The following LINGO2 variants were observed in gnomAD, a reference collection of about 807,000 sequenced individuals.
LINGO2 encodes leucine rich repeat and Ig domain containing 2.
Under a neutral mutation model 30.6 loss-of-function variants are expected in LINGO2, and 14 were observed. That is an observed-to-expected ratio of 0.46 (90% CI 0.30 to 0.72). LINGO2 has a LOEUF of 0.72. LINGO2 is among the 30% of genes least tolerant of loss of function. The pLI is 0.07. For synonymous variants in LINGO2, 317 were observed against 288.5 expected (o/e 1.10, Z -1.00); for missense variants, 729 against 751.7 (o/e 0.97, Z 0.35).
chr9:29,144,093 AC>A, the LINGO2 span, among the ~76,000 whole-genome samples: 4 of 152,054 alleles, frequency 2.6e-5, no homozygotes, highest in Non-Finnish European at 5.9e-5. Context: ...GTGCAGTCTT[AC>A]TTCCGGGCTC....
chr9:28,544,634 G>A (rs902269498), intron 1 of LINGO2, among the ~76,000 whole-genome samples: 2 of 118,374 alleles, frequency 1.7e-5, no homozygotes, highest in Non-Finnish European at 4.0e-5. Flanking sequence ...AAAGTCAGAA[G>A]CTGTTACAAC....
chr9:28,190,904 A>C (rs1031831845), intron 4 of LINGO2, among the ~76,000 whole-genome samples: 7 of 152,238 alleles, frequency 4.6e-5, no homozygotes, highest in Non-Finnish European at 5.9e-5. Flanking sequence ...AACAACTAAT[A>C]TACCAGACAG....
the LINGO2 span, among the ~76,000 whole-genome samples, chr9:29,145,324 T>C: frequency 6.6e-6 from 1 of 152,184 alleles, no homozygotes. Flanking sequence ...GTTTGTTTTT[T>C]CTTCTGTCTA....
At chr9:28,316,865 C>G (rs942173896) in intron 3 of LINGO2, among the ~76,000 whole-genome samples, 1 of 152,072 alleles carries the variant, frequency 6.6e-6, no homozygotes, top group Non-Finnish European at 1.5e-5. Flanking sequence ...TTTTAAGCAC[C>G]CTTATCTGCT....
chr9:28,778,600 A>G, the LINGO2 span, among the ~76,000 whole-genome samples: 1 of 152,212 alleles, frequency 6.6e-6, no homozygotes, highest in African/African-American at 2.4e-5. Context: ...TACAAAGGCC[A>G]GAGTATGAGC....
the LINGO2 span, among the ~76,000 whole-genome samples, chr9:29,140,838 A>G: frequency 3.9e-5 from 6 of 152,174 alleles, no homozygotes; most frequent in South Asian, 1.2e-3. Context: ...AATTATCAGC[A>G]GAAACCATGG....
intron 4 of LINGO2, among the ~76,000 whole-genome samples, chr9:28,175,930 A>T (rs1828737921): frequency 6.6e-6 from 1 of 152,192 alleles, no homozygotes; most frequent in Non-Finnish European, 1.5e-5. Flanking sequence ...GAGGTCAAGG[A>T]GGCAACATGC....
At chr9:28,818,209 T>G in the LINGO2 span, among the ~76,000 whole-genome samples, 2 of 152,174 alleles carry the variant, frequency 1.3e-5, no homozygotes, top group Non-Finnish European at 2.9e-5. Flanking sequence ...GAGTCAGTGC[T>G]CAGAGTATTA....
chr9:28,245,639 TACA>T (rs1328771842), intron 4 of LINGO2, among the ~76,000 whole-genome samples: 3 of 152,172 alleles, frequency 2.0e-5, no homozygotes, highest in African/African-American at 4.8e-5. Flanking sequence ...AGAATTCCTA[TACA>T]ACAACAATAG....
the LINGO2 span, among the ~76,000 whole-genome samples, chr9:28,745,617 G>T: frequency 1.3e-5 from 2 of 151,842 alleles, no homozygotes; most frequent in African/African-American, 4.8e-5. Context: ...TATTTTAAAA[G>T]GTATGTTTAA....
At chr9:28,958,643 G>A in the LINGO2 span, among the ~76,000 whole-genome samples, 5 of 151,894 alleles carry the variant, frequency 3.3e-5, no homozygotes, top group Admixed American at 6.6e-5. Context: ...ATGCACCTAC[G>A]CTTTACTTTT....
the LINGO2 span, among the ~76,000 whole-genome samples, chr9:28,752,349 G>A: frequency 1.3e-4 from 20 of 151,996 alleles, no homozygotes; most frequent in African/African-American, 3.6e-4. Flanking sequence ...GAGAATAGCC[G>A]GAGAGATATA....
intron 4 of LINGO2, among the ~76,000 whole-genome samples, chr9:28,288,364 CA>C (rs1237746029): frequency 2.6e-5 from 4 of 152,110 alleles, no homozygotes; most frequent in African/African-American, 7.2e-5. Context: ...CATTAAAACC[CA>C]CTCCATTTGA....
chr9:29,138,431 C>T, the LINGO2 span, among the ~76,000 whole-genome samples: 1 of 152,124 alleles, frequency 6.6e-6, no homozygotes, highest in African/African-American at 2.4e-5. Context: ...GGTTCACACA[C>T]TCATCCCATG....
the LINGO2 span, among the ~76,000 whole-genome samples, chr9:28,923,704 A>T: frequency 6.6e-6 from 1 of 152,204 alleles, no homozygotes; most frequent in African/African-American, 2.4e-5. Flanking sequence ...ACTAACAATT[A>T]CTAATGAAGG....
At position 28,580,438 on chromosome 9, in the gene LINGO2, G is replaced by A. The variant is rs373974292; in HGVS notation, c.-365+89762C>T. 9.9e-5 allele frequency among the ~76,000 whole-genome samples: 15 copies of A among 151,972 alleles called. No homozygotes were observed. The East Asian group carries it at 1.7e-3, about 18-fold the overall frequency. On this transcript the variant is annotated intron_variant, in intron 1 of 5. Transcript: ENST00000379992. The stretch of plus-strand genomic sequence containing the variant: ...AAAAATACACGCGATTCTCTGGTAC[G>A]AATCACCCTTGCCCATCCCCCTCCC...
chr9:28,195,413 A>G (rs1472771589), intron 4 of LINGO2, among the ~76,000 whole-genome samples: 1 of 132,410 alleles, frequency 7.6e-6, no homozygotes, highest in Non-Finnish European at 1.7e-5. Flanking sequence ...AGAAAAATGT[A>G]TAATTATATG....
intron 4 of LINGO2, among the ~76,000 whole-genome samples, chr9:28,253,004 G>C (rs528478607): frequency 7.0e-4 from 106 of 151,864 alleles, no homozygotes; most frequent in African/African-American, 2.6e-3. Flanking sequence ...AGCTATCTAA[G>C]TGCTAAAAGG....
At chr9:28,446,907 C>T (rs1824444115) in intron 2 of LINGO2, among the ~76,000 whole-genome samples, 2 of 152,202 alleles carry the variant, frequency 1.3e-5, no homozygotes, top group South Asian at 4.1e-4. Context: ...CTCCCTCTCA[C>T]TCTCTGCCCT....
Sources: gnomAD v4.1 joint callset for allele counts (sites outside exome capture counted in the v4.1 genomes callset) on GRCh38, gnomAD v4.1.1 for gene constraint, MANE v1.5 for transcripts, NCBI Gene and HGNC (gene_info 2026-07-23, HGNC 2026-07-21) for gene names.